The following RASGRP3 variants were observed in gnomAD, a reference collection of about 807,000 sequenced individuals.
RASGRP3 encodes ras guanyl-releasing protein 3.
In RASGRP3, 54 loss-of-function variants were observed where a neutral mutation model predicts 82.7. That is an observed-to-expected ratio of 0.65 (90% CI 0.52 to 0.82). RASGRP3 has a LOEUF of 0.82. Among genes scored for constraint, RASGRP3 ranks in the 40% least tolerant of loss-of-function variants. The pLI is 0.00. For missense variants in RASGRP3, 861 were observed against 828.9 expected (o/e 1.04, Z -0.48); for synonymous variants, 309 against 300.5 (o/e 1.03, Z -0.29).
intron 2 of RASGRP3, among the ~76,000 whole-genome samples, chr2:33,466,496 T>C (rs1666703924): frequency 6.6e-6 from 1 of 151,986 alleles, no homozygotes; most frequent in African/African-American, 2.4e-5. Context: ...CTGACCAACA[T>C]GGTGAAACCC....
At chr2:33,504,817 G>C (rs970043299) in intron 1 of RASGRP3, among the ~76,000 whole-genome samples, 2 of 152,088 alleles carry the variant, frequency 1.3e-5, no homozygotes, top group Non-Finnish European at 2.9e-5. Flanking sequence ...GCAGTGGGAA[G>C]ACCCCTAAGA....
intron 1 of RASGRP3, among the ~76,000 whole-genome samples, chr2:33,494,302 G>T (rs1669116610): frequency 6.6e-6 from 1 of 152,154 alleles, no homozygotes; most frequent in Admixed American, 6.5e-5. Flanking sequence ...ATGAAACCAG[G>T]TGCTTAGAGA....
At chr2:33,505,883 G>GCTAGCCA (rs1670326383) in intron 1 of RASGRP3, among the ~76,000 whole-genome samples, 1 of 152,160 alleles carries the variant, frequency 6.6e-6, no homozygotes, top group East Asian at 1.9e-4. Flanking sequence ...AATGCTAGGA[G>GCTAGCCA]AATACCCCCT....
intron 2 of RASGRP3, among the ~76,000 whole-genome samples, chr2:33,470,619 T>A (rs1667002056): frequency 6.6e-6 from 1 of 152,142 alleles, no homozygotes; most frequent in South Asian, 2.1e-4. Context: ...GACCTTGTGA[T>A]CCACCCTCCT....
intron 1 of RASGRP3, among the ~76,000 whole-genome samples, chr2:33,492,478 T>C (rs1422000071): frequency 6.6e-6 from 1 of 152,144 alleles, no homozygotes; most frequent in African/African-American, 2.4e-5. Context: ...AGCATCCATA[T>C]GTTGAAGCTC....
At chr2:33,478,129 G>T (rs1176172834) in intron 1 of RASGRP3, among the ~76,000 whole-genome samples, 1 of 152,108 alleles carries the variant, frequency 6.6e-6, no homozygotes. Context: ...CAGCACAGTG[G>T]GTCTTGAGTA....
chr2:33,499,290 G>A (rs754748674), intron 1 of RASGRP3, among the ~76,000 whole-genome samples: 1 of 152,136 alleles, frequency 6.6e-6, no homozygotes, highest in Non-Finnish European at 1.5e-5. Context: ...TTTTGGCCAG[G>A]TGCGGTGGCT....
chr2:33,545,348 A>G (rs1461662034), intron 13 of RASGRP3, among the ~76,000 whole-genome samples: 1 of 152,256 alleles, frequency 6.6e-6, no homozygotes, highest in Non-Finnish European at 1.5e-5. Flanking sequence ...TGTTCCACAG[A>G]AGTAGCTATT....
chr2:33,484,919 C>A (rs1419243412), intron 1 of RASGRP3, among the ~76,000 whole-genome samples: 1 of 152,146 alleles, frequency 6.6e-6, no homozygotes, highest in East Asian at 1.9e-4. Context: ...ATGCCCTTGG[C>A]CGGGTGCAGT....
intron 7 of RASGRP3, among the ~76,000 whole-genome samples, chr2:33,523,157 G>T (rs1368789644): frequency 6.6e-6 from 1 of 151,908 alleles, no homozygotes; most frequent in African/African-American, 2.4e-5. Flanking sequence ...TGCCTGATTG[G>T]AATCACCAGC....
At chr2:33,528,818 G>A (rs987346144) in intron 10 of RASGRP3, among the ~76,000 whole-genome samples, 1 of 151,574 alleles carries the variant, frequency 6.6e-6, no homozygotes, top group Non-Finnish European at 1.5e-5. Context: ...GTGACAAATA[G>A]TAAATATACA....
At chr2:33,446,608 A>T (rs1298371837) in intron 1 of RASGRP3, among the ~76,000 whole-genome samples, 7 of 152,044 alleles carry the variant, frequency 4.6e-5, no homozygotes, top group Non-Finnish European at 1.0e-4. Flanking sequence ...GGCACATGAG[A>T]ATTGTGCATG....
intron 13 of RASGRP3, among the ~76,000 whole-genome samples, chr2:33,548,377 AAAAAAAG>A (rs1274090637): frequency 0.016 from 2,348 of 149,496 alleles, 67 homozygotes; most frequent in African/African-American, 0.056. Context: ...AAAAAAAAAA[AAAAAAAG>A]AAGGTAGAAA....
intron 2 of RASGRP3, among the ~76,000 whole-genome samples, chr2:33,464,231 G>C (rs1055107808): frequency 6.8e-6 from 1 of 147,994 alleles, no homozygotes; most frequent in African/African-American, 2.5e-5. Context: ...TGGTTCTCCT[G>C]TCTCAGACTC....
At chr2:33,547,949 C>T (rs1483796676) in intron 13 of RASGRP3, among the ~76,000 whole-genome samples, 3 of 152,102 alleles carry the variant, frequency 2.0e-5, no homozygotes, top group Non-Finnish European at 4.4e-5. Flanking sequence ...GAAAAGGCCA[C>T]TGAGGATGTT....
In RASGRP3 at chr2:33,562,899, G is replaced by A; in HGVS notation, c.*162G>A. On this transcript the variant is annotated 3_prime_UTR_variant, in exon 18 of 18. Coordinates refer to ENST00000403687, the MANE Select transcript of RASGRP3 (RefSeq NM_001139488.2). ...ATCTCCATGTTTGGACTATGGGACA[G>A]AGAATTGACCCTAACTAACTAACTA... 1 of 875,910 alleles carries A rather than the reference G, an allele frequency of 1.1e-6. No homozygotes were observed. Among genetic ancestry groups the A allele is most frequent in the South Asian group, 1.7e-5 (1 of 57,490 alleles). The allele number at this position is 875,910 out of a possible 1,614,324, so 54.3% of individuals were successfully genotyped here. A position where few individuals can be genotyped will look rare whatever the true frequency, so the allele number is the denominator to read the frequency against.
At chr2:33,457,484 T>A (rs1160962326) in intron 2 of RASGRP3, among the ~76,000 whole-genome samples, 2 of 152,234 alleles carry the variant, frequency 1.3e-5, no homozygotes, top group African/African-American at 4.8e-5. Flanking sequence ...ATTACATCTT[T>A]TTCATGGCTA....
At chr2:33,507,701 T>C (rs904650373) in intron 1 of RASGRP3, among the ~76,000 whole-genome samples, 4 of 152,158 alleles carry the variant, frequency 2.6e-5, no homozygotes, top group African/African-American at 7.2e-5. Flanking sequence ...ACTTCTTGTA[T>C]TTTTATTAGA....
chr2:33,511,495 T>C (rs1265576851), intron 1 of RASGRP3, among the ~76,000 whole-genome samples: 1 of 152,238 alleles, frequency 6.6e-6, no homozygotes. Flanking sequence ...TTTAATAGGC[T>C]GCAAAAAGCT....
Sources: gnomAD v4.1 joint callset for allele counts (sites outside exome capture counted in the v4.1 genomes callset) on GRCh38, gnomAD v4.1.1 for gene constraint, MANE v1.5 for transcripts, NCBI Gene and HGNC (gene_info 2026-07-23, HGNC 2026-07-21) for gene names.